KIAA1755: variants seen among roughly 807,000 people sequenced by gnomAD.
KIAA1755 encodes the protein uncharacterized protein KIAA1755.
A neutral mutation model predicts 91.7 loss-of-function variants in KIAA1755; 68 were observed. That is an observed-to-expected ratio of 0.74 (90% CI 0.61 to 0.91). KIAA1755 has a LOEUF of 0.91. Among genes scored for constraint, KIAA1755 ranks in the 40% least tolerant of loss-of-function variants. KIAA1755 has a pLI of 0.00. For missense variants in KIAA1755, 1,535 were observed against 1,494.4 expected (o/e 1.03, Z -0.45); for synonymous variants, 610 against 604.6 (o/e 1.01, Z -0.13).
At chr20:38,218,994 C>G (rs1293798436) in intron 11 of KIAA1755, among the ~76,000 whole-genome samples, 1 of 152,200 alleles carries the variant, frequency 6.6e-6, no homozygotes, top group Non-Finnish European at 1.5e-5. Flanking sequence ...TATTCACTCA[C>G]TTTATCTTCA....
chr20:38,239,730 G>T lies in KIAA1755; in HGVS notation c.1550-5C>A. The T allele has an allele frequency of 1.2e-6, 2 of 1,610,678 alleles. No homozygotes were observed. Among genetic ancestry groups the T allele is most frequent in the South Asian group, 1.1e-5 (1 of 91,066 alleles). ...TTTTGGTCTGAGTTGTTCCAGCTGG[G>T]AAAAAGCAACAACAAAGAAAAGGAC... On this transcript the variant is annotated splice_polypyrimidine_tract_variant and splice_region_variant and intron_variant, in intron 3 of 13. Coordinates refer to ENST00000279024, the MANE Select transcript of KIAA1755 (RefSeq NM_001029864.2).
At position 38,241,864 on chromosome 20, in the gene KIAA1755, C is replaced by A. The variant is rs141745098; in HGVS notation, c.267G>T (p.Val89=). 2,202 of 1,613,980 alleles carry A rather than the reference C, an allele frequency of 1.4e-3. 7 individuals carry two copies. The highest frequency in any genetic ancestry group is 1.7e-3 in the Non-Finnish European group (2,016 of 1,180,016). ...GAGGGTTGAGGGGTGCCAAGTGGAC[C>A]ACAACTTCATCCCTCAGACAGAGTG... ...GWPLCLRDEV[V]VHLAPLNPLL... is the part of the protein sequence containing the mutation. Residue 89 remains valine (V), a synonymous_variant, in exon 3 of 14, where the codon GTG becomes GTT. Transcript: ENST00000279024.
At chr20:38,260,118 T>C (rs966092540) in intron 1 of KIAA1755, 64 of 1,112,116 alleles carry the variant, frequency 5.8e-5, no homozygotes, top group Non-Finnish European at 6.4e-5. Flanking sequence ...CTCTTCCCCA[T>C]CCAAACTCCC....
At chr20:38,228,370 C>T in intron 5 of KIAA1755, 130 bp from the exon 6 acceptor site, 1 of 621,224 alleles carries the variant, frequency 1.6e-6, no homozygotes, top group Non-Finnish European at 2.5e-6. Flanking sequence ...CCTGTTAAGA[C>T]CAAGTTCCAA....
At chr20:38,222,339 G>T in intron 10 of KIAA1755, 110 bp downstream of exon 10, 1 of 1,181,796 alleles carries the variant, frequency 8.5e-7, no homozygotes, top group Non-Finnish European at 1.2e-6. Context: ...CTGCAAAGCT[G>T]GGCGCCCTCG....
intron 1 of KIAA1755, among the ~76,000 whole-genome samples, chr20:38,249,289 C>G (rs917813049): frequency 1.3e-5 from 2 of 152,118 alleles, no homozygotes; most frequent in African/African-American, 4.8e-5. Context: ...TCTGGTTGCC[C>G]CAGCCTGGTT....
At chr20:38,247,808 G>C (rs2076183233) in intron 1 of KIAA1755, among the ~76,000 whole-genome samples, 1 of 152,240 alleles carries the variant, frequency 6.6e-6, no homozygotes, top group African/African-American at 2.4e-5. Context: ...GTGACTATGG[G>C]CCAGGGGTGG....
intron 5 of KIAA1755, among the ~76,000 whole-genome samples, chr20:38,228,503 C>A (rs2075800778): frequency 6.6e-6 from 1 of 152,324 alleles, no homozygotes; most frequent in African/African-American, 2.4e-5. Flanking sequence ...ACTCTAGCAA[C>A]TAACCCAGGT....
At position 38,246,052 on chromosome 20, in the gene KIAA1755, G is replaced by C; in HGVS notation, c.78C>G (p.Pro26=). ...GLYPPFEATA[P]TVLGQVFRLL... ...GACGGAACACCTGACCCAGGACGGT[G>C]GGTGCTGTGGCCTCGAAAGGAGGAT... Residue 26 remains proline, a synonymous_variant, in exon 2 of 14, where the codon CCC becomes CCG. Transcript: ENST00000279024. The C allele has an allele frequency of 1.2e-6, 2 of 1,614,184 alleles. No homozygotes were observed. The highest frequency in any genetic ancestry group is 8.5e-7 in the Non-Finnish European group (1 of 1,180,024).
At chr20:38,241,952 T>C (rs761124762) in intron 2 of KIAA1755, 23 bp from the exon 3 acceptor site, 1 of 1,594,500 alleles carries the variant, frequency 6.3e-7, no homozygotes, top group Non-Finnish European at 8.5e-7. Flanking sequence ...GGGGATGGCA[T>C]CAGAGAACCT....
chr20:38,226,258 G>A (rs182245456), intron 7 of KIAA1755, among the ~76,000 whole-genome samples: 19 of 152,310 alleles, frequency 1.2e-4, no homozygotes, highest in Non-Finnish European at 2.5e-4. Flanking sequence ...GAAGAACTAG[G>A]TGACTGCTTC....
chr20:38,215,532 C>T (rs532128603), intron 13 of KIAA1755, among the ~76,000 whole-genome samples: 6 of 152,278 alleles, frequency 3.9e-5, no homozygotes, highest in South Asian at 4.1e-4. Flanking sequence ...CACCCAGAAG[C>T]GACAAAACAG....
intron 1 of KIAA1755, among the ~76,000 whole-genome samples, chr20:38,249,077 T>C (rs965454138): frequency 1.3e-5 from 2 of 152,132 alleles, no homozygotes; most frequent in Non-Finnish European, 2.9e-5. Flanking sequence ...GGTTTCACCA[T>C]GTTGCCCAGG....
chr20:38,217,858 G>A, intron 12 of KIAA1755: 1 of 415,444 alleles, frequency 2.4e-6, no homozygotes, highest in Non-Finnish European at 4.4e-6. Flanking sequence ...CTCCCCACTG[G>A]CCTGAGAATT....
chr20:38,218,609 C>T (rs2075597059), intron 11 of KIAA1755, among the ~76,000 whole-genome samples: 1 of 152,250 alleles, frequency 6.6e-6, no homozygotes, highest in African/African-American at 2.4e-5. Context: ...CTGGCCAACG[C>T]CCTCAGTGCA....
intron 1 of KIAA1755, among the ~76,000 whole-genome samples, chr20:38,254,783 CAA>C (rs773273813): frequency 1.8e-4 from 25 of 135,888 alleles, no homozygotes; most frequent in Middle Eastern, 3.7e-3. Context: ...TCCCCAACTC[CAA>C]AAAAAAAAAA....
chr20:38,242,224 C>CT (rs1331009388), intron 2 of KIAA1755, among the ~76,000 whole-genome samples: 2 of 152,230 alleles, frequency 1.3e-5, no homozygotes, highest in African/African-American at 4.8e-5. Context: ...CTCATGCTCC[C>CT]TTCCTCTCTG....
intron 1 of KIAA1755, among the ~76,000 whole-genome samples, chr20:38,258,812 G>A (rs1229624576): frequency 6.6e-6 from 1 of 152,180 alleles, no homozygotes; most frequent in African/African-American, 2.4e-5. Flanking sequence ...ACAGGCAAGG[G>A]AAGGAAATCT....
chr20:38,243,684 G>C (rs141728701), intron 2 of KIAA1755, among the ~76,000 whole-genome samples: 1 of 152,340 alleles, frequency 6.6e-6, no homozygotes, highest in East Asian at 1.9e-4. Flanking sequence ...CAAGTCAGCT[G>C]TATCTGTCCC....
Sources: allele counts gnomAD v4.1 joint callset (sites outside exome capture counted in the v4.1 genomes callset), GRCh38; gene constraint gnomAD v4.1.1; transcripts MANE v1.5; gene names NCBI Gene and HGNC (gene_info 2026-07-23, HGNC 2026-07-21).